Variants in HNMT observed in about 807,000 individuals in gnomAD.
HNMT encodes histamine N-methyltransferase.
HNMT carries 30 observed loss-of-function variants against 32.1 expected under a neutral mutation model. That is an observed-to-expected ratio of 0.93 (90% confidence interval 0.70 to 1.27). The LOEUF (loss-of-function observed/expected upper bound fraction) is 1.27. Ranked by LOEUF, HNMT falls within the 50% of genes most tolerant of loss-of-function variation. The pLI, the probability that HNMT is intolerant of heterozygous loss-of-function variation, is 0.00. For missense variants in HNMT, 327 were observed against 346.0 expected (o/e 0.95, Z 0.43); for synonymous variants, 125 against 119.0 (o/e 1.05, Z -0.33).
At chr2:137,988,354 C>T (rs1188182531) in intron 2 of HNMT, among the ~76,000 whole-genome samples, 1 of 152,006 alleles carries the variant, frequency 6.6e-6, no homozygotes, top group Non-Finnish European at 1.5e-5. Context: ...TGAATAAGAG[C>T]ACAGCTAGTA....
chr2:137,981,025 AT>A (rs536467269), intron 2 of HNMT, among the ~76,000 whole-genome samples: 1 of 151,728 alleles, frequency 6.6e-6, no homozygotes, highest in African/African-American at 2.4e-5. Flanking sequence ...CCTAGAAACC[AT>A]TTTTTTTCTG....
At chr2:137,998,652 T>C (rs2104970948) in intron 2 of HNMT, among the ~76,000 whole-genome samples, 1 of 152,278 alleles carries the variant, frequency 6.6e-6, no homozygotes, top group East Asian at 1.9e-4. Flanking sequence ...TAGCATTGTG[T>C]CCTCTATCAG....
chr2:137,999,087 G>A (rs1681084626), intron 2 of HNMT, among the ~76,000 whole-genome samples: 1 of 152,102 alleles, frequency 6.6e-6, no homozygotes, highest in Non-Finnish European at 1.5e-5. Context: ...GAATGAGTTA[G>A]AAGAATAAAC....
intron 2 of HNMT, among the ~76,000 whole-genome samples, chr2:137,994,048 A>G (rs1330532726): frequency 1.3e-5 from 2 of 152,252 alleles, no homozygotes. Flanking sequence ...AAAAGCCAGG[A>G]GCAGCCACTG....
At chr2:137,980,573 A>C (rs1001061013) in intron 2 of HNMT, among the ~76,000 whole-genome samples, 2 of 152,108 alleles carry the variant, frequency 1.3e-5, no homozygotes, top group African/African-American at 2.4e-5. Flanking sequence ...TTCAGTCTTC[A>C]GCACCCTTTG....
rs1480311986 is a variant in HNMT, at chr2:137,989,971, T to G, written c.191-10947T>G. On this transcript the variant is annotated intron_variant, in intron 2 of 5. Coordinates refer to ENST00000280097, the MANE Select transcript of HNMT (RefSeq NM_006895.3). ...TCTTATCGTTGAGCTTTAAGAGTTC[T>G]TTGTATATTTTGGATAGTAATCCTT... Among the ~76,000 whole-genome samples the G allele has an allele frequency of 2.6e-5, 4 of 152,238 alleles. No individual in the cohort carries two copies. In the East Asian group the frequency reaches 7.7e-4, roughly 29 times the overall value.
intron 2 of HNMT, among the ~76,000 whole-genome samples, chr2:137,990,793 A>T (rs1573661555): frequency 2.0e-5 from 3 of 152,232 alleles, no homozygotes; most frequent in African/African-American, 7.2e-5. Context: ...AACACAGAAG[A>T]CTTCTGTGAC....
rs73961922 is a variant in HNMT at position 138,001,951 on chromosome 2, C to T, written c.299-113C>T. ...GTCTCCCAGACATAAGAAAGAAAAA[C>T]GTTCTTTCTATCTGTTTGTATATAA... On this transcript the variant is annotated intron_variant, in intron 3 of 5. Coordinates refer to ENST00000280097, the MANE Select transcript of HNMT (RefSeq NM_006895.3). 2.8e-3 allele frequency: 2,130 copies of T among 757,882 alleles called. 36 individuals carry two copies. In the African/African-American group the frequency reaches 0.035, roughly 13 times the overall value. The allele number at this position is 757,882 out of a possible 1,614,324, so 46.9% of individuals were successfully genotyped here.
intron 4 of HNMT, among the ~76,000 whole-genome samples, chr2:138,004,544 AATT>A (rs1351827867): frequency 6.6e-6 from 1 of 151,998 alleles, no homozygotes; most frequent in African/African-American, 2.4e-5. Flanking sequence ...ATTGATCCAG[AATT>A]ATTAAAAATG....
chr2:137,995,241 TG>T (rs1680956618), intron 2 of HNMT, among the ~76,000 whole-genome samples: 1 of 151,852 alleles, frequency 6.6e-6, no homozygotes, highest in African/African-American at 2.4e-5. Context: ...GCTGGTTTTT[TG>T]AAAAAATTAA....
chr2:137,969,694 T>C, intron 1 of HNMT, among the ~76,000 whole-genome samples: 1 of 152,144 alleles, frequency 6.6e-6, no homozygotes, highest in East Asian at 1.9e-4. Context: ...GTGATATCTG[T>C]TTTTTTAATG....
At chr2:137,990,683 A>T (rs1327764995) in intron 2 of HNMT, among the ~76,000 whole-genome samples, 1 of 152,194 alleles carries the variant, frequency 6.6e-6, no homozygotes, top group African/African-American at 2.4e-5. Context: ...TATCTTATGG[A>T]TATGTATATA....
intron 4 of HNMT, among the ~76,000 whole-genome samples, chr2:138,004,346 T>C (rs1393974086): frequency 2.6e-5 from 4 of 152,080 alleles, no homozygotes; most frequent in African/African-American, 9.7e-5. Flanking sequence ...ACTTTTCCTT[T>C]GTGCAATGAA....
At chr2:137,984,006 G>T (rs1268181756) in intron 2 of HNMT, among the ~76,000 whole-genome samples, 1 of 152,070 alleles carries the variant, frequency 6.6e-6, no homozygotes, top group Non-Finnish European at 1.5e-5. Context: ...CATTGTCATG[G>T]AGTACTATAC....
At chr2:137,991,455 T>G (rs968907956) in intron 2 of HNMT, among the ~76,000 whole-genome samples, 14 of 152,208 alleles carry the variant, frequency 9.2e-5, no homozygotes, top group African/African-American at 3.4e-4. Flanking sequence ...TGAAATGAGG[T>G]CTTATGACCC....
chr2:137,987,513 T>C (rs1246835811), intron 2 of HNMT, among the ~76,000 whole-genome samples: 1 of 152,130 alleles, frequency 6.6e-6, no homozygotes, highest in East Asian at 1.9e-4. Context: ...TGAAAGCATT[T>C]GTAAGGCATT....
chr2:137,994,462 A>C (rs926050731), intron 2 of HNMT, among the ~76,000 whole-genome samples: 3 of 152,238 alleles, frequency 2.0e-5, no homozygotes, highest in Admixed American at 2.0e-4. Context: ...ACAATTCAAC[A>C]AGAAGAGCTA....
chr2:138,000,903 A>G lies in HNMT; in HGVS notation c.191-15A>G, dbSNP rs763594999. 5 of 1,445,666 alleles carry G rather than the reference A, an allele frequency of 3.5e-6. No individual in the cohort carries two copies. In the African/African-American group the frequency reaches 7.0e-5, roughly 20 times the overall value. 89.6% of individuals were successfully genotyped at this position (1,445,666 alleles called of 1,614,324 possible). A position where few individuals can be genotyped will look rare whatever the true frequency, so the allele number is the denominator to read the frequency against. On this transcript the variant is annotated splice_polypyrimidine_tract_variant and intron_variant, in intron 2 of 5. Coordinates refer to ENST00000280097, the MANE Select transcript of HNMT (RefSeq NM_006895.3). ...GCTGGAATGATGTGACCTGTCCCAT[A>G]TGTTTATCTTCTAGGTGAAATTGAT...
At chr2:137,965,050 C>T (rs190960520) in intron 1 of HNMT, among the ~76,000 whole-genome samples, 4 of 152,146 alleles carry the variant, frequency 2.6e-5, no homozygotes, top group Non-Finnish European at 4.4e-5. Context: ...ACGATTTGCC[C>T]TGAGGATTGA....
Sources: allele counts gnomAD v4.1 joint callset (sites outside exome capture counted in the v4.1 genomes callset), GRCh38; gene constraint gnomAD v4.1.1; transcripts MANE v1.5; gene names NCBI Gene and HGNC (gene_info 2026-07-23, HGNC 2026-07-21).